The following PRDM6 variants were observed in gnomAD, a reference collection of about 807,000 sequenced individuals.
PRDM6 encodes putative histone-lysine N-methyltransferase PRDM6.
PRDM6 carries 25 observed loss-of-function variants against 60.8 expected under a neutral mutation model. That is an observed-to-expected ratio of 0.41 (90% CI 0.30 to 0.57). The LOEUF (loss-of-function observed/expected upper bound fraction) is 0.57. Ranked by LOEUF, PRDM6 falls within the 20% of genes least tolerant of loss-of-function variation. PRDM6 has a pLI of 0.27. For synonymous variants in PRDM6, 407 were observed against 357.4 expected, an observed-to-expected ratio of 1.14 and a Z score of -1.57; for missense variants, 839 against 821.3, an observed-to-expected ratio of 1.02 and a Z score of -0.26.
At chr5:123,181,609 GGA>G (rs1234610560) in intron 7 of PRDM6, among the ~76,000 whole-genome samples, 2 of 152,148 alleles carry the variant, frequency 1.3e-5, no homozygotes, top group African/African-American at 4.8e-5. Context: ...TGTTTGAGAA[GGA>G]GAATTAAAAG....
chr5:123,090,572 C>A lies in PRDM6; in HGVS notation c.558C>A (p.Ile186=). Residue 186 remains isoleucine, a synonymous_variant, in exon 2 of 8, where the codon ATC becomes ATA. Transcript: ENST00000407847. ...ATGGCCAGCAGCGCATGGAGATCAT[C>A]CCGCTCAACCAGCACACCAGCGACC... ...YLYGQQRMEI[I]PLNQHTSDPN... The A allele has an allele frequency of 1.3e-6, 2 of 1,525,742 alleles. No individual in the cohort carries two copies. The highest frequency in any genetic ancestry group is 4.0e-5 in the Admixed American group (2 of 50,462). 94.5% of individuals were successfully genotyped at this position (1,525,742 alleles called of 1,614,324 possible).
At position 123,170,954 on chromosome 5, in the gene PRDM6, G is replaced by A. The variant is rs372505887; in HGVS notation, c.1342G>A (p.Val448Met). 3.9e-5 allele frequency: 60 copies of A among 1,551,760 alleles called. No individual in the cohort carries two copies. The highest frequency in any genetic ancestry group is 4.6e-5 in the Non-Finnish European group (53 of 1,147,036). Residue 448 changes from valine to methionine, a missense_variant, in exon 6 of 8, where the codon GTG becomes ATG. This residue lies in a region of PRDM6 where 730 missense variants were observed against 648.8 expected (regional missense o/e 1.13). Coordinates refer to ENST00000407847, the MANE Select transcript of PRDM6 (RefSeq NM_001136239.4). Reference protein sequence around the residue: ...PIESGFNQINVKNQRVLASPT... With the variant: ...PIESGFNQINMKNQRVLASPT... ...TGAATCAGGATTTAATCAAATCAAC[G>A]TGAAAAACCAGCGAGTCCTGGCAAG...
At chr5:123,179,354 G>C (rs974898214) in intron 6 of PRDM6, among the ~76,000 whole-genome samples, 1 of 152,186 alleles carries the variant, frequency 6.6e-6, no homozygotes, top group African/African-American at 2.4e-5. Context: ...ATCATGCCTT[G>C]CTGCCAGATT....
intron 7 of PRDM6, among the ~76,000 whole-genome samples, chr5:123,181,966 T>C (rs1766175281): frequency 6.6e-6 from 1 of 152,242 alleles, no homozygotes; most frequent in African/African-American, 2.4e-5. Context: ...CATAGTTTAA[T>C]TTATGGTGTT....
intron 5 of PRDM6, among the ~76,000 whole-genome samples, chr5:123,169,448 CCTT>C (rs1268203510): frequency 6.6e-6 from 1 of 152,168 alleles, no homozygotes; most frequent in Non-Finnish European, 1.5e-5. Context: ...CGTCGCTTCT[CCTT>C]CTATAACAAA....
chr5:123,117,778 AT>A (rs34901094), intron 3 of PRDM6, among the ~76,000 whole-genome samples: 104,827 of 152,078 alleles, frequency 0.69, 36,209 homozygotes, highest in Non-Finnish European at 0.7. Context: ...GCATTTGCTC[AT>A]TTGCTTTGCA....
intron 5 of PRDM6, among the ~76,000 whole-genome samples, chr5:123,165,959 A>C (rs1765742717): frequency 6.6e-6 from 1 of 152,192 alleles, no homozygotes. Context: ...GAGTCTCCAG[A>C]AACATTTTCT....
chr5:123,171,425 T>C (rs1239245528), intron 6 of PRDM6, among the ~76,000 whole-genome samples: 1 of 152,216 alleles, frequency 6.6e-6, no homozygotes, highest in African/African-American at 2.4e-5. Flanking sequence ...TAGAATCTTC[T>C]CTGTCTTCCA....
At chr5:123,171,940 A>C (rs1288458773) in intron 6 of PRDM6, among the ~76,000 whole-genome samples, 2 of 152,234 alleles carry the variant, frequency 1.3e-5, no homozygotes, top group Non-Finnish European at 2.9e-5. Flanking sequence ...TTGTGTTTTT[A>C]TCTCTCCTTC....
rs1766209963 is a variant in PRDM6, at chr5:123,183,370, A to T, written c.1673+3047A>T. 2.0e-5 allele frequency among the ~76,000 whole-genome samples: 3 copies of T among 152,304 alleles called. No homozygotes were observed. In the South Asian group the frequency reaches 6.2e-4, roughly 32 times the overall value. ...GAGAAAGCCCTTTACAACTTCTAAA[A>T]TCTTCTGCTGAGAAGTGGTTTTTGA... On this transcript the variant is annotated intron_variant, in intron 7 of 7. Transcript: ENST00000407847.
intron 3 of PRDM6, among the ~76,000 whole-genome samples, chr5:123,131,766 T>C (rs1323292160): frequency 1.3e-5 from 2 of 152,218 alleles, no homozygotes; most frequent in Non-Finnish European, 2.9e-5. Context: ...CAAGTTTTGA[T>C]TCATATTTTC....
At chr5:123,123,143 A>C (rs111726927) in intron 3 of PRDM6, among the ~76,000 whole-genome samples, 1 of 152,194 alleles carries the variant, frequency 6.6e-6, no homozygotes, top group African/African-American at 2.4e-5. Context: ...CACTCCCCTG[A>C]TAGGGTGAGA....
chr5:123,172,868 T>C lies in PRDM6; in HGVS notation c.1496+1760T>C, dbSNP rs141039066. On this transcript the variant is annotated intron_variant, in intron 6 of 7. Coordinates refer to ENST00000407847, the MANE Select transcript of PRDM6 (RefSeq NM_001136239.4). Reference sequence around the variant, plus strand: ...GGTAGGTAGATACTGAAACAGACTGTTTTGTCTGATCTCAGTTACGCTTAG... The same window carrying C: ...GGTAGGTAGATACTGAAACAGACTGCTTTGTCTGATCTCAGTTACGCTTAG... Among the ~76,000 whole-genome samples the C allele has an allele frequency of 2.8e-3, 434 of 152,302 alleles. 2 individuals are homozygous for C. Among genetic ancestry groups the C allele is most frequent in the African/African-American group, 0.01 (419 of 41,572 alleles).
At chr5:123,146,084 T>C (rs1356747553) in intron 3 of PRDM6, among the ~76,000 whole-genome samples, 1 of 152,222 alleles carries the variant, frequency 6.6e-6, no homozygotes, top group Non-Finnish European at 1.5e-5. Flanking sequence ...CTTAATACTT[T>C]GTAAGTATTT....
At chr5:123,131,649 A>G (rs1764837584) in intron 3 of PRDM6, among the ~76,000 whole-genome samples, 1 of 152,214 alleles carries the variant, frequency 6.6e-6, no homozygotes, top group Non-Finnish European at 1.5e-5. Flanking sequence ...TGTCTATCAC[A>G]ACACCATGAT....
chr5:123,106,095 C>T (rs1224777485), intron 3 of PRDM6, among the ~76,000 whole-genome samples: 3 of 152,208 alleles, frequency 2.0e-5, no homozygotes, highest in Non-Finnish European at 4.4e-5. Flanking sequence ...GAATTTACAA[C>T]CAGCACCACT....
chr5:123,106,974 C>G (rs191772207), intron 3 of PRDM6, among the ~76,000 whole-genome samples: 9 of 152,222 alleles, frequency 5.9e-5, no homozygotes, highest in African/African-American at 1.9e-4. Context: ...CTCTTCCCCC[C>G]ACCCTGCTGT....
At chr5:123,128,118 A>G (rs1272829639) in intron 3 of PRDM6, among the ~76,000 whole-genome samples, 3 of 152,188 alleles carry the variant, frequency 2.0e-5, no homozygotes, top group Non-Finnish European at 4.4e-5. Flanking sequence ...TAATGGCTGC[A>G]CAGTATTCCA....
chr5:123,142,725 T>G (rs988702986), intron 3 of PRDM6, among the ~76,000 whole-genome samples: 5 of 151,640 alleles, frequency 3.3e-5, no homozygotes, highest in Non-Finnish European at 7.4e-5. Context: ...ATTTCTAACC[T>G]AAAAATATCT....
Sources: allele counts gnomAD v4.1 joint callset (sites outside exome capture counted in the v4.1 genomes callset), GRCh38; gene constraint gnomAD v4.1.1; regional missense constraint gnomAD v4.1.1; transcripts MANE v1.5; gene names NCBI Gene and HGNC (gene_info 2026-07-23, HGNC 2026-07-21).